Variants in TGFA observed in about 807,000 individuals in gnomAD.
TGFA encodes the protein protransforming growth factor alpha.
TGFA carries 12 observed loss-of-function variants against 21.7 expected under a neutral mutation model. That is an observed-to-expected ratio of 0.55 (90% CI 0.35 to 0.90). The LOEUF is 0.90. TGFA is among the 40% of genes least tolerant of loss of function. The probability of loss-of-function intolerance (pLI) is 0.01; values close to 1 mark genes in which losing one functional copy is unlikely to be tolerated. For synonymous variants in TGFA, 79 were observed against 88.1 expected, an observed-to-expected ratio of 0.90 and a Z score of 0.58; for missense variants, 178 against 210.8, an observed-to-expected ratio of 0.84 and a Z score of 0.96.
At chr2:70,491,480 C>A (rs1250660114) in intron 2 of TGFA, among the ~76,000 whole-genome samples, 1 of 152,226 alleles carries the variant, frequency 6.6e-6, no homozygotes, top group Non-Finnish European at 1.5e-5. Flanking sequence ...CCACCAAAGC[C>A]CACCTGTGCT....
intron 2 of TGFA, among the ~76,000 whole-genome samples, chr2:70,469,578 C>T (rs1670672473): frequency 6.6e-6 from 1 of 152,190 alleles, no homozygotes; most frequent in Non-Finnish European, 1.5e-5. Context: ...CTCAAGTGAT[C>T]TGCCTACCTC....
At chr2:70,535,375 A>C (rs1168564001) in intron 1 of TGFA, among the ~76,000 whole-genome samples, 9 of 152,216 alleles carry the variant, frequency 5.9e-5, no homozygotes, top group African/African-American at 2.2e-4. Flanking sequence ...TATACAGTTA[A>C]ATGTTTACTA....
intron 1 of TGFA, among the ~76,000 whole-genome samples, chr2:70,549,191 G>T (rs540199770): frequency 6.6e-6 from 1 of 152,178 alleles, no homozygotes; most frequent in Admixed American, 6.5e-5. Flanking sequence ...CATGGATAAC[G>T]AACAAGAACA....
intron 2 of TGFA, among the ~76,000 whole-genome samples, chr2:70,513,969 A>C (rs991326298): frequency 6.6e-6 from 1 of 152,176 alleles, no homozygotes. Context: ...AAGGGTCATA[A>C]ATCTGTATTT....
chr2:70,473,588 A>G (rs1553493657), intron 2 of TGFA, among the ~76,000 whole-genome samples: 2 of 151,870 alleles, frequency 1.3e-5, no homozygotes, highest in Admixed American at 1.3e-4. Context: ...ATGTCAGCAG[A>G]GTTACGGAAA....
In TGFA at chr2:70,449,673, G is replaced by A. The variant is rs547088881; in HGVS notation, c.*1186C>T. ...TACTGGAATAGTTTTCCTAGTGCTC[G>A]AAAATAAATAGCAAAGTTAAACTTC... On this transcript the variant is annotated 3_prime_UTR_variant, in exon 6 of 6. Transcript: ENST00000295400. The A allele has an allele frequency of 6.6e-5, 13 of 196,588 alleles. No homozygotes were observed. The highest frequency in any genetic ancestry group is 6.2e-4 in the Admixed American group (11 of 17,796). 12.2% of individuals were successfully genotyped at this position (196,588 alleles called of 1,614,324 possible).
rs1574061684 is a variant in TGFA, at chr2:70,450,675, A to ATAACCCCAAGC, written c.*173_*183dup. 4 of 635,064 alleles carry ATAACCCCAAGC rather than the reference A, an allele frequency of 6.3e-6. No individual in the cohort carries two copies. In the East Asian group the frequency reaches 1.1e-4, roughly 18 times the overall value. 39.3% of individuals were successfully genotyped at this position (635,064 alleles called of 1,614,324 possible). Reference sequence around the variant, plus strand: ...TGATTTCTTCTCTAGGTCACACTGAATAACCCCAAGCAGACGGAGTTCTTG... The same window carrying ATAACCCCAAGC: ...TGATTTCTTCTCTAGGTCACACTGAATAACCCCAAGCTAACCCCAAGCAGACGGAGTTCTTG... On this transcript the variant is annotated 3_prime_UTR_variant, in exon 6 of 6. Transcript: ENST00000295400.
chr2:70,490,954 C>A (rs781826233), intron 2 of TGFA, among the ~76,000 whole-genome samples: 2 of 152,120 alleles, frequency 1.3e-5, no homozygotes, highest in Non-Finnish European at 2.9e-5. Context: ...TAGAAAGTGG[C>A]TCTTGGTTCA....
intron 2 of TGFA, among the ~76,000 whole-genome samples, chr2:70,466,871 T>C (rs556221243): frequency 1.3e-5 from 2 of 152,178 alleles, no homozygotes; most frequent in South Asian, 2.1e-4. Flanking sequence ...AATGAGATCA[T>C]GTCCTTTGCA....
intron 2 of TGFA, among the ~76,000 whole-genome samples, chr2:70,475,824 G>A (rs1276479864): frequency 6.6e-6 from 1 of 151,862 alleles, no homozygotes; most frequent in African/African-American, 2.4e-5. Context: ...CCTGTACCCC[G>A]ACTCCCCCTG....
At chr2:70,524,898 G>A (rs888558063) in intron 1 of TGFA, among the ~76,000 whole-genome samples, 2 of 152,012 alleles carry the variant, frequency 1.3e-5, no homozygotes, top group African/African-American at 2.4e-5. Flanking sequence ...CTCCCTATCC[G>A]TGAAGGCCCA....
At chr2:70,476,479 G>A (rs1039743691) in intron 2 of TGFA, among the ~76,000 whole-genome samples, 5 of 152,202 alleles carry the variant, frequency 3.3e-5, no homozygotes, top group East Asian at 3.8e-4. Context: ...TGCAGTCTCT[G>A]TGTGCCTCTA....
chr2:70,512,927 A>C (rs1672149108), intron 2 of TGFA, among the ~76,000 whole-genome samples: 1 of 152,208 alleles, frequency 6.6e-6, no homozygotes, highest in Non-Finnish European at 1.5e-5. Context: ...AGTGTGAATC[A>C]GGAGGAGCAG....
intron 1 of TGFA, among the ~76,000 whole-genome samples, chr2:70,529,988 C>T (rs528227040): frequency 6.6e-6 from 1 of 152,252 alleles, no homozygotes; most frequent in African/African-American, 2.4e-5. Context: ...ATACTTTGGC[C>T]TCATTCTTCC....
At chr2:70,503,544 G>T (rs561253218) in intron 2 of TGFA, among the ~76,000 whole-genome samples, 1 of 148,330 alleles carries the variant, frequency 6.7e-6, no homozygotes, top group Non-Finnish European at 1.5e-5. Flanking sequence ...TGCACGTTGC[G>T]CACATGTACC....
intron 1 of TGFA, among the ~76,000 whole-genome samples, chr2:70,537,379 T>C (rs182818958): frequency 6.6e-6 from 1 of 152,334 alleles, no homozygotes; most frequent in East Asian, 1.9e-4. Context: ...TGTCTCTCAC[T>C]TTAAATCAAA....
intron 2 of TGFA, among the ~76,000 whole-genome samples, chr2:70,486,254 T>C (rs781835223): frequency 2.6e-5 from 4 of 152,166 alleles, no homozygotes; most frequent in East Asian, 1.9e-4. Context: ...TATTCCACAG[T>C]GGCCCTTAAG....
chr2:70,513,356 C>T (rs1378800949), intron 2 of TGFA, among the ~76,000 whole-genome samples: 3 of 152,148 alleles, frequency 2.0e-5, no homozygotes, highest in African/African-American at 7.2e-5. Context: ...CTAAGCTATC[C>T]TCTTTTTCCT....
At chr2:70,477,956 A>C (rs1357968371) in intron 2 of TGFA, among the ~76,000 whole-genome samples, 1 of 152,212 alleles carries the variant, frequency 6.6e-6, no homozygotes, top group Non-Finnish European at 1.5e-5. Flanking sequence ...GAATCCTCAC[A>C]ATAAATCATA....
Sources: gnomAD v4.1 joint callset for allele counts (sites outside exome capture counted in the v4.1 genomes callset) on GRCh38, gnomAD v4.1.1 for gene constraint, MANE v1.5 for transcripts, NCBI Gene and HGNC (gene_info 2026-07-23, HGNC 2026-07-21) for gene names.